Variants in CACNA1E observed in about 807,000 individuals in gnomAD.
The protein encoded by CACNA1E is calcium voltage-gated channel subunit alpha1 E.
Under a neutral mutation model 259.2 loss-of-function variants are expected in CACNA1E, and 40 were observed. That is an observed-to-expected ratio of 0.15 (90% CI 0.12 to 0.20). The LOEUF (loss-of-function observed/expected upper bound fraction) is 0.20, where lower values mean the gene tolerates loss of function less well. CACNA1E is among the 10% of genes least tolerant of loss of function. CACNA1E has a pLI of 1.00. For synonymous variants in CACNA1E, 1,104 were observed against 1,138.5 expected, an observed-to-expected ratio of 0.97 and a Z score of 0.61; for missense variants, 1,874 against 3,040.1, an observed-to-expected ratio of 0.62 and a Z score of 9.02.
rs1028388721 is a variant in CACNA1E at position 181,750,540 on chromosome 1, G to C, written c.3731+53G>C. 3.2e-6 allele frequency: 5 copies of C among 1,572,988 alleles called. No individual in the cohort carries two copies. The Admixed American group carries it at 6.7e-5, about 21-fold the overall frequency. ...AAACGATACAAGGAATGAGTTGGAG[G>C]AGCGAGAAAGTATGGTTGGGAGGGG... On this transcript the variant is annotated intron_variant, in intron 26 of 47. Transcript: ENST00000367573.
At chr1:181,325,395 CA>C (rs1650693065) in intron 1 of CACNA1E, among the ~76,000 whole-genome samples, 2 of 152,192 alleles carry the variant, frequency 1.3e-5, no homozygotes, top group Admixed American at 1.3e-4. Context: ...TATTCACTCA[CA>C]TGGGAGGGGT....
At chr1:181,689,266 A>G (rs982651757) in intron 7 of CACNA1E, among the ~76,000 whole-genome samples, 3 of 152,132 alleles carry the variant, frequency 2.0e-5, no homozygotes, top group East Asian at 1.9e-4. Context: ...TTTGCTGAGA[A>G]TGATGGTTTC....
rs1309516037 is a variant in CACNA1E at position 181,667,023 on chromosome 1, A to T, written c.1055+15582A>T. 2.6e-5 allele frequency among the ~76,000 whole-genome samples: 4 copies of T among 152,274 alleles called. No homozygotes were observed. In the East Asian group the frequency reaches 7.7e-4, roughly 29 times the overall value. On this transcript the variant is annotated intron_variant, in intron 7 of 47. Transcript: ENST00000367573. The stretch of plus-strand genomic sequence containing the variant: ...GACCTTTCTAAGCATTATGCAAATC[A>T]ATAAGCCATAAAGGAAATAATTGAT...
At chr1:181,535,874 A>G (rs1668134139) in intron 3 of CACNA1E, among the ~76,000 whole-genome samples, 1 of 151,902 alleles carries the variant, frequency 6.6e-6, no homozygotes, top group African/African-American at 2.4e-5. Context: ...TTTAGTAGAG[A>G]TGGGGTTTCA....
chr1:181,423,098 C>T (rs186207006), intron 2 of CACNA1E, among the ~76,000 whole-genome samples: 11 of 152,304 alleles, frequency 7.2e-5, no homozygotes, highest in South Asian at 2.1e-4. Context: ...AAACATCTAT[C>T]GCATGTGCCT....
chr1:181,579,719 T>G (rs942090163), intron 5 of CACNA1E, among the ~76,000 whole-genome samples: 1 of 152,228 alleles, frequency 6.6e-6, no homozygotes, highest in African/African-American at 2.4e-5. Flanking sequence ...CAGCAGCCTC[T>G]GACTGAATAA....
rs376471584 is a variant in CACNA1E, at chr1:181,483,787, G to A, written c.43G>A (p.Gly15Ser). 9 of 1,611,768 alleles carry A rather than the reference G, an allele frequency of 5.6e-6. No homozygotes were observed. The highest frequency in any genetic ancestry group is 1.3e-5 in the African/African-American group (1 of 74,670). Residue 15 changes from glycine (G) to serine (S), a missense_variant, in exon 1 of 48, where the codon GGC (glycine) becomes AGC (serine). Physicochemically the swap from Gly to Ser is moderately conservative, Grantham distance 56. Around this residue, in one of 14 missense-constraint regions of CACNA1E, gnomAD observed 110 missense variants for 122.8 expected, o/e 0.90. Coordinates refer to ENST00000367573, the MANE Select transcript of CACNA1E (RefSeq NM_001205293.3). ...GGCGGTGGTCGCCAGGCCAGGGTCC[G>A]GCGATGGAGACTCGGACCAGAGCAG... ...GEAVVARPGS[G>S]DGDSDQSRNR...
chr1:181,449,751 CT>C (rs1275373783), intron 2 of CACNA1E, among the ~76,000 whole-genome samples: 4 of 152,304 alleles, frequency 2.6e-5, no homozygotes, highest in African/African-American at 9.6e-5. Flanking sequence ...CTGTGAATTC[CT>C]TTGTTTTATT....
intron 26 of CACNA1E, chr1:181,751,848 T>C (rs899050577): frequency 2.5e-5 from 13 of 527,578 alleles, no homozygotes; most frequent in Admixed American, 4.6e-5. Flanking sequence ...TATTAACATA[T>C]GTGCATGGAT....
intron 25 of CACNA1E, among the ~76,000 whole-genome samples, chr1:181,741,646 T>C (rs1243123671): frequency 6.6e-6 from 1 of 152,188 alleles, no homozygotes; most frequent in Non-Finnish European, 1.5e-5. Context: ...AGGGAGCTCC[T>C]GCATGCCTGC....
At chr1:181,496,827 C>G (rs1258544088) in intron 1 of CACNA1E, among the ~76,000 whole-genome samples, 1 of 152,214 alleles carries the variant, frequency 6.6e-6, no homozygotes, top group Non-Finnish European at 1.5e-5. Context: ...CCTCTCCTTT[C>G]TGCTAACTTT....
At chr1:181,406,371 TC>T in intron 1 of CACNA1E, among the ~76,000 whole-genome samples, 1 of 152,326 alleles carries the variant, frequency 6.6e-6, no homozygotes, top group Admixed American at 6.5e-5. Context: ...TATTTAATTC[TC>T]ACAACTTTAT....
At position 181,432,393 on chromosome 1, in the gene CACNA1E, A is replaced by C. The variant is rs142819526; in HGVS notation, c.434+18813A>C. ...AAAAAATTTTTTAATGTTTTCATTCATGTATCGTTTCAACTGAATCACATG... is the reference window on the plus strand; with the variant it reads ...AAAAAATTTTTTAATGTTTTCATTCCTGTATCGTTTCAACTGAATCACATG... On this transcript the variant is annotated intron_variant, in intron 2 of 11. Transcript: ENST00000524607. Among the ~76,000 whole-genome samples the C allele has an allele frequency of 5.9e-3, 893 of 152,282 alleles. 24 individuals carry two copies. Among genetic ancestry groups the C allele is most frequent in the Admixed American group, 0.042 (647 of 15,300 alleles).
At chr1:181,787,598 A>C (rs1660955995) in intron 43 of CACNA1E, among the ~76,000 whole-genome samples, 5 of 152,220 alleles carry the variant, frequency 3.3e-5, no homozygotes, top group Admixed American at 2.0e-4. Flanking sequence ...GAGCTGACTT[A>C]GGCACTGGGG....
chr1:181,700,163 CAA>C (rs1369951448), intron 7 of CACNA1E, among the ~76,000 whole-genome samples: 1 of 152,086 alleles, frequency 6.6e-6, no homozygotes, highest in Non-Finnish European at 1.5e-5. Flanking sequence ...AAGAATCAAA[CAA>C]AAGAGTGGGT....
chr1:181,474,743 T>C (rs1361428767), intron 2 of CACNA1E, among the ~76,000 whole-genome samples: 1 of 152,198 alleles, frequency 6.6e-6, no homozygotes, highest in East Asian at 1.9e-4. Flanking sequence ...GATCTCAAAA[T>C]ATTCTTTAGG....
Position 181,733,038 on chromosome 1 carries a change from A to G in CACNA1E, c.2948+4A>G. On this transcript the variant is annotated splice_donor_region_variant and intron_variant, in intron 20 of 47. Transcript: ENST00000367573. ...AGAGAGCCCAGGATTTAAGGAGGTG[A>G]GTGAGTCACAGGGCTCCCAGATGGA... The G allele has an allele frequency of 1.9e-6, 3 of 1,587,058 alleles. No individual in the cohort carries two copies. In the South Asian group the frequency reaches 3.5e-5, roughly 18 times the overall value.
At chr1:181,412,912 C>T (rs1657965829) in intron 1 of CACNA1E, among the ~76,000 whole-genome samples, 1 of 152,244 alleles carries the variant, frequency 6.6e-6, no homozygotes, top group Admixed American at 6.5e-5. Context: ...GCCTGGTCCG[C>T]CGCGGATGCT....
At chr1:181,643,897 T>A (rs1380902848) in intron 6 of CACNA1E, among the ~76,000 whole-genome samples, 1 of 152,204 alleles carries the variant, frequency 6.6e-6, no homozygotes, top group Non-Finnish European at 1.5e-5. Flanking sequence ...CTAAGCCAGA[T>A]GCTGCCTCCA....
Sources: allele counts gnomAD v4.1 joint callset (sites outside exome capture counted in the v4.1 genomes callset), GRCh38; gene constraint gnomAD v4.1.1; regional missense constraint gnomAD v4.1.1; transcripts MANE v1.5; gene names NCBI Gene and HGNC (gene_info 2026-07-23, HGNC 2026-07-21).